Variants in DGCR8 observed in about 807,000 individuals in gnomAD.
DGCR8 encodes the protein microprocessor complex subunit DGCR8.
Under a neutral mutation model 78.5 loss-of-function variants are expected in DGCR8, and 14 were observed. The observed-to-expected ratio is 0.18, with a 90% CI of 0.12 to 0.28. DGCR8 has a LOEUF of 0.28. DGCR8 is among the 10% of genes least tolerant of loss of function. The pLI is 1.00. For missense variants in DGCR8, 702 were observed against 1,022.5 expected (o/e 0.69, Z 4.28); for synonymous variants, 399 against 402.4 (o/e 0.99, Z 0.10).
chr22:20,099,309 A>G (rs940358513), intron 9 of DGCR8, among the ~76,000 whole-genome samples: 3 of 152,338 alleles, frequency 2.0e-5, no homozygotes, highest in South Asian at 2.1e-4. Context: ...TTGCCCAACT[A>G]GTGCCCCAGC....
In DGCR8 at chr22:20,089,954, AT is replaced by A. The variant is rs769218455; in HGVS notation, c.1024-20del. On this transcript the variant is annotated intron_variant, in intron 4 of 13. Coordinates refer to ENST00000351989, the MANE Select transcript of DGCR8 (RefSeq NM_022720.7). The surrounding 1 kb of genome is among the most constrained non-coding windows in gnomAD (Gnocchi z 4.9). ...CTCTCGGGTTGTCCTTGTAATCCATATTGCAATTTCACTATCCACAGAAACA... is the reference window on the plus strand; with the variant it reads ...CTCTCGGGTTGTCCTTGTAATCCATATGCAATTTCACTATCCACAGAAACA... 5.6e-6 allele frequency: 9 copies of A among 1,596,390 alleles called. No individual in the cohort carries two copies. Among genetic ancestry groups the A allele is most frequent in the Non-Finnish European group, 7.7e-6 (9 of 1,169,940 alleles).
chr22:20,085,021 C>T lies in DGCR8; in HGVS notation c.-277-666C>T. On this transcript the variant is annotated intron_variant, in intron 1 of 13. Transcript: ENST00000351989. The surrounding 1 kb of genome is among the most constrained non-coding windows in gnomAD (Gnocchi z 6.2). ...TCCAGCTGTCTCTTGTGGCTCCCCACCCCAAATCCTGGCAGGTCCCTTCCC... is the reference window on the plus strand; with the variant it reads ...TCCAGCTGTCTCTTGTGGCTCCCCATCCCAAATCCTGGCAGGTCCCTTCCC... The T allele has an allele frequency of 1.0e-6, 1 of 985,404 alleles. No individual in the cohort carries two copies. The allele number at this position is 985,404 out of a possible 1,614,324, so 61.0% of individuals were successfully genotyped here.
rs1295041900 is a variant in DGCR8, at chr22:20,107,049, A to G, written c.1997-222A>G. 1.0e-5 allele frequency: 6 copies of G among 588,288 alleles called. No homozygotes were observed. In the East Asian group the frequency reaches 1.4e-4, roughly 14 times the overall value. 36.4% of individuals were successfully genotyped at this position (588,288 alleles called of 1,614,324 possible). ...TCTCGGCTGCGTGGCTTTGAGTGGT[A>G]GTGTCCTCAGCTCCTAGACTCTGAG... On this transcript the variant is annotated intron_variant, in intron 11 of 13. Transcript: ENST00000351989.
intron 8 of DGCR8, 60 bp from the exon 9 acceptor site, chr22:20,094,653 G>T: frequency 4.7e-6 from 7 of 1,485,424 alleles, no homozygotes; most frequent in Non-Finnish European, 6.6e-6. Flanking sequence ...AGTTCACTCT[G>T]CAGGGTGGTG....
At chr22:20,107,566 A>G in intron 12 of DGCR8, 168 bp downstream of exon 12, 1 of 734,192 alleles carries the variant, frequency 1.4e-6, no homozygotes. Context: ...GGGTCGTCCC[A>G]GCTACATCTC....
chr22:20,097,034 A>G (rs1411864165), intron 9 of DGCR8, among the ~76,000 whole-genome samples: 1 of 152,164 alleles, frequency 6.6e-6, no homozygotes, highest in East Asian at 1.9e-4. Flanking sequence ...GTCATGACAT[A>G]TAATGATTTT....
chr22:20,100,878 C>G (rs1054966721), intron 9 of DGCR8: 9 of 966,700 alleles, frequency 9.3e-6, no homozygotes, highest in African/African-American at 1.8e-5. Flanking sequence ...AGCTCAGTTT[C>G]GTGGGACTGC....
intron 9 of DGCR8, chr22:20,101,218 T>C: frequency 1.0e-6 from 1 of 985,404 alleles, no homozygotes; most frequent in Non-Finnish European, 1.2e-6. Context: ...ATGCCATGCC[T>C]TGGTTTAGGG....
rs1010415942 is a variant in DGCR8, at chr22:20,110,825, G to A, written c.*717G>A. 1 of 191,818 alleles carries A rather than the reference G, an allele frequency of 5.2e-6. No homozygotes were observed. Among genetic ancestry groups the A allele is most frequent in the Non-Finnish European group, 1.1e-5 (1 of 95,066 alleles). 11.9% of individuals were successfully genotyped at this position (191,818 alleles called of 1,614,324 possible). Reference sequence around the variant, plus strand: ...GCCTCCTAGGGTCCCTTTTTCTGATGAAGTCTTAATTCCCTAAAAGCGCCT... The same window carrying A: ...GCCTCCTAGGGTCCCTTTTTCTGATAAAGTCTTAATTCCCTAAAAGCGCCT... On this transcript the variant is annotated 3_prime_UTR_variant, in exon 14 of 14. Transcript: ENST00000351989.
chr22:20,084,993 G>A (rs1469673921), intron 1 of DGCR8: 3 of 985,232 alleles, frequency 3.0e-6, no homozygotes, highest in Non-Finnish European at 3.6e-6. Context: ...TCTGTGCCTC[G>A]GCTCCAGCTG....
At chr22:20,098,789 G>T (rs1272914954) in intron 9 of DGCR8, among the ~76,000 whole-genome samples, 1 of 152,152 alleles carries the variant, frequency 6.6e-6, no homozygotes, top group Non-Finnish European at 1.5e-5. Flanking sequence ...TTGCCCATTT[G>T]ATAGAGACAC....
rs1602501837 is a variant in DGCR8, at chr22:20,111,100, G to C, written c.*992G>C. ...CATTCTTGATCCAGAGCTGTTGCCT[G>C]TGACAGCGGTTTCTCTGGATGTCAA... On this transcript the variant is annotated 3_prime_UTR_variant, in exon 14 of 14. Transcript: ENST00000351989. The C allele has an allele frequency of 2.5e-6, 1 of 398,260 alleles. No individual in the cohort carries two copies. The highest frequency in any genetic ancestry group is 4.4e-6 in the Non-Finnish European group (1 of 226,068). The allele number at this position is 398,260 out of a possible 1,614,324, so 24.7% of individuals were successfully genotyped here.
chr22:20,095,309 T>C (rs2049615272), intron 9 of DGCR8, among the ~76,000 whole-genome samples: 1 of 152,200 alleles, frequency 6.6e-6, no homozygotes, highest in South Asian at 2.1e-4. Flanking sequence ...TTTCACCATG[T>C]TGGCCAGGCT....
chr22:20,094,911 GT>G (rs1016656580), intron 9 of DGCR8, 116 bp downstream of exon 9: 18 of 833,040 alleles, frequency 2.2e-5, no homozygotes, highest in Non-Finnish European at 3.0e-5. Flanking sequence ...TGCCCTGTAG[GT>G]TAGTCTCATC....
intron 1 of DGCR8, chr22:20,080,801 T>G (rs2049409661): frequency 6.6e-6 from 1 of 152,264 alleles, no homozygotes. Context: ...GAGTGTCACG[T>G]AGATAATTGG....
chr22:20,084,972 A>T, intron 1 of DGCR8: 1 of 985,180 alleles, frequency 1.0e-6, no homozygotes, highest in Non-Finnish European at 1.2e-6. Context: ...TGCAGGTGGC[A>T]CCCAGGCCTC....
chr22:20,085,514 G>A lies in DGCR8; in HGVS notation c.-277-173G>A, dbSNP rs556539589. 6.6e-6 allele frequency among the ~76,000 whole-genome samples: 1 copy of A among 152,312 alleles called. No individual in the cohort carries two copies. The highest frequency in any genetic ancestry group is 2.1e-4 in the South Asian group (1 of 4,828). ...ACTTTGGACTTAAGTTATAATTCAG[G>A]TTCTGAAGAATAAAAGTAAGGTTAG... On this transcript the variant is annotated intron_variant, in intron 1 of 13. Coordinates refer to ENST00000351989, the MANE Select transcript of DGCR8 (RefSeq NM_022720.7). This position sits in a 1 kb window ranked among gnomAD's most constrained non-coding sequence, Gnocchi z 6.2.
chr22:20,101,932 G>T (rs1262062039), intron 9 of DGCR8: 4 of 985,234 alleles, frequency 4.1e-6, no homozygotes, highest in African/African-American at 3.5e-5. Flanking sequence ...GGCCACGCGT[G>T]TATGCTACTT....
chr22:20,102,857 G>T (rs920687224), intron 9 of DGCR8, among the ~76,000 whole-genome samples: 1 of 152,206 alleles, frequency 6.6e-6, no homozygotes, highest in African/African-American at 2.4e-5. Flanking sequence ...TCTGGGCTGG[G>T]TGCAGTGGCT....
Sources: allele counts gnomAD v4.1 joint callset (sites outside exome capture counted in the v4.1 genomes callset), GRCh38; gene constraint gnomAD v4.1.1; non-coding constraint Gnocchi (gnomAD v3.1); transcripts MANE v1.5; gene names NCBI Gene and HGNC (gene_info 2026-07-23, HGNC 2026-07-21).